The following VTI1A variants were observed in gnomAD, a reference collection of about 807,000 sequenced individuals.
The protein encoded by VTI1A is vesicle transport through interaction with t-SNAREs 1A, also known as vesicle transport through interaction with t-SNAREs homolog 1A.
VTI1A carries 22 observed loss-of-function variants against 34.9 expected under a neutral mutation model. That is an observed-to-expected ratio of 0.63 (90% CI 0.45 to 0.90). The LOEUF is 0.90. Ranked by LOEUF, VTI1A falls within the 40% of genes least tolerant of loss-of-function variation. VTI1A has a pLI of 0.00. For missense variants in VTI1A, 268 were observed against 275.6 expected (o/e 0.97, Z 0.20); for synonymous variants, 87 against 97.3 (o/e 0.89, Z 0.62).
At chr10:112,693,667 T>C (rs1848684634) in intron 7 of VTI1A, among the ~76,000 whole-genome samples, 1 of 152,244 alleles carries the variant, frequency 6.6e-6, no homozygotes, top group Non-Finnish European at 1.5e-5. Flanking sequence ...TTGAAAATGG[T>C]GCTTGAACAA....
chr10:112,827,943 A>T, the VTI1A span, among the ~76,000 whole-genome samples: 1 of 152,336 alleles, frequency 6.6e-6, no homozygotes, highest in African/African-American at 2.4e-5. Flanking sequence ...TCCCAAAAAT[A>T]TGGCATTACA....
chr10:112,623,632 C>T (rs558342145), intron 5 of VTI1A, among the ~76,000 whole-genome samples: 7 of 152,186 alleles, frequency 4.6e-5, no homozygotes, highest in Admixed American at 3.3e-4. Context: ...GAGATTGGGG[C>T]TATAATCGAA....
chr10:112,806,194 C>A (rs546667491), intron 7 of VTI1A, among the ~76,000 whole-genome samples: 14 of 152,290 alleles, frequency 9.2e-5, no homozygotes, highest in African/African-American at 2.6e-4. Context: ...ACTGACTACA[C>A]CTAAATTGAT....
At position 112,667,335 on chromosome 10, in the gene VTI1A, G is replaced by C. The variant is rs147532198; in HGVS notation, c.428-883G>C. ...AGGCATCCTTCTAGTATGGAGTAAG[G>C]CACCTCCCAGGTAATGGGGAATGAG... is the stretch of plus-strand genomic sequence containing the variant. On this transcript the variant is annotated intron_variant, in intron 5 of 7. Coordinates refer to ENST00000393077, the MANE Select transcript of VTI1A (RefSeq NM_145206.4). 1.8e-3 allele frequency among the ~76,000 whole-genome samples: 276 copies of C among 152,168 alleles called. 2 individuals carry two copies. The highest frequency in any genetic ancestry group is 6.4e-3 in the African/African-American group (266 of 41,518).
At chr10:112,780,059 T>C (rs184002686) in intron 7 of VTI1A, among the ~76,000 whole-genome samples, 2 of 150,978 alleles carry the variant, frequency 1.3e-5, no homozygotes, top group African/African-American at 2.4e-5. Context: ...GGAGGATCAC[T>C]TGAGGCCAGG....
chr10:112,741,784 T>G (rs1397347942), intron 7 of VTI1A, among the ~76,000 whole-genome samples: 1 of 152,214 alleles, frequency 6.6e-6, no homozygotes, highest in Non-Finnish European at 1.5e-5. Flanking sequence ...TTCAATTTAA[T>G]AGCTTATATC....
chr10:112,465,283 ATAATGT>A (rs763279249), intron 3 of VTI1A, among the ~76,000 whole-genome samples: 3 of 149,786 alleles, frequency 2.0e-5, no homozygotes, highest in African/African-American at 7.7e-5. Flanking sequence ...ATGTAAAGAC[ATAATGT>A]TAAAGTTGTT....
chr10:112,511,255 T>C (rs952985443), intron 3 of VTI1A, among the ~76,000 whole-genome samples: 3 of 151,798 alleles, frequency 2.0e-5, no homozygotes, highest in Non-Finnish European at 2.9e-5. Flanking sequence ...GTTTTTTTTT[T>C]TTTTTCTTTT....
rs57081938 is a variant in VTI1A at position 112,709,682 on chromosome 10, CTTTTTTTTTT to C, written c.560+40703_560+40712del. ...CCCCAACAAGAGGCACTCTATGTGG[CTTTTTTTTTT>C]TTTTTTTTTTTTTTTTTTGAGATAG... On this transcript the variant is annotated intron_variant, in intron 7 of 7. Transcript: ENST00000393077. Among the ~76,000 whole-genome samples, 496 of 70,280 alleles carry C rather than the reference CTTTTTTTTTT, an allele frequency of 7.1e-3. 5 individuals carry two copies. Among genetic ancestry groups the C allele is most frequent in the African/African-American group, 0.031 (480 of 15,372 alleles). 46.1% of individuals were successfully genotyped at this position (70,280 alleles called of 152,430 possible). A position where few individuals can be genotyped will look rare whatever the true frequency, so the allele number is the denominator to read the frequency against.
At chr10:112,538,858 A>G (rs1850755311) in intron 5 of VTI1A, among the ~76,000 whole-genome samples, 1 of 152,216 alleles carries the variant, frequency 6.6e-6, no homozygotes, top group Non-Finnish European at 1.5e-5. Context: ...AAATTATGAA[A>G]AAGTCATAGC....
At chr10:112,656,859 G>A (rs1322026525) in intron 5 of VTI1A, among the ~76,000 whole-genome samples, 3 of 152,094 alleles carry the variant, frequency 2.0e-5, no homozygotes, top group Non-Finnish European at 4.4e-5. Context: ...GCCCTGGTGG[G>A]AGGTGATTGG....
intron 3 of VTI1A, among the ~76,000 whole-genome samples, chr10:112,501,715 TG>T (rs1323246498): frequency 6.7e-6 from 1 of 150,166 alleles, no homozygotes; most frequent in East Asian, 2.0e-4. Context: ...TTTTCATGTT[TG>T]CTTTTAAATT....
chr10:112,832,127 C>T, the VTI1A span: 1 of 152,166 alleles, frequency 6.6e-6, no homozygotes, highest in African/African-American at 2.4e-5. Flanking sequence ...TTGATGTGTT[C>T]TAGACAATCA....
At chr10:112,669,442 G>A (rs540075484) in intron 7 of VTI1A, among the ~76,000 whole-genome samples, 6 of 152,022 alleles carry the variant, frequency 3.9e-5, no homozygotes, top group Non-Finnish European at 5.9e-5. Context: ...AAACATTTCC[G>A]TTTTATGTAT....
intron 7 of VTI1A, among the ~76,000 whole-genome samples, chr10:112,719,757 G>T (rs898750470): frequency 6.6e-6 from 1 of 152,106 alleles, no homozygotes; most frequent in Admixed American, 6.5e-5. Flanking sequence ...TGTTGGTCAG[G>T]CTGGTCTCAA....
At chr10:112,526,157 G>A (rs892841589) in intron 3 of VTI1A, among the ~76,000 whole-genome samples, 8 of 152,144 alleles carry the variant, frequency 5.3e-5, no homozygotes, top group African/African-American at 1.9e-4. Context: ...TGGGATCTGA[G>A]GCCCACACTT....
At chr10:112,594,705 G>A (rs1350081739) in intron 5 of VTI1A, among the ~76,000 whole-genome samples, 25 of 152,198 alleles carry the variant, frequency 1.6e-4, no homozygotes, top group African/African-American at 6.0e-4. Context: ...TGGGTAGGAA[G>A]AATCAACATC....
chr10:112,773,828 A>G (rs1207332897), intron 7 of VTI1A, among the ~76,000 whole-genome samples: 1 of 152,162 alleles, frequency 6.6e-6, no homozygotes, highest in African/African-American at 2.4e-5. Context: ...AGGATCTAAT[A>G]TCTTATCTGG....
chr10:112,809,477 T>C (rs1853209092), intron 7 of VTI1A, among the ~76,000 whole-genome samples: 1 of 152,210 alleles, frequency 6.6e-6, no homozygotes, highest in South Asian at 2.1e-4. Flanking sequence ...GGCATCGTTA[T>C]TCAGGGCCAG....
Sources: gnomAD v4.1 joint callset for allele counts (sites outside exome capture counted in the v4.1 genomes callset) on GRCh38, gnomAD v4.1.1 for gene constraint, MANE v1.5 for transcripts, NCBI Gene and HGNC (gene_info 2026-07-23, HGNC 2026-07-21) for gene names.